Variants in DIS3L2 observed in about 807,000 individuals in gnomAD.
DIS3L2 encodes the protein DIS3-like exonuclease 2.
A neutral mutation model predicts 97.5 loss-of-function variants in DIS3L2; 34 were observed. The ratio of observed to expected loss-of-function variants is 0.35; its 90% CI spans 0.27 to 0.46. DIS3L2 has a LOEUF of 0.46. DIS3L2 is among the 20% of genes least tolerant of loss of function. The pLI is 1.00. For missense variants in DIS3L2, 1,038 were observed against 1,146.0 expected, an observed-to-expected ratio of 0.91 and a Z score of 1.36; for synonymous variants, 435 against 445.2, an observed-to-expected ratio of 0.98 and a Z score of 0.29.
intron 5 of DIS3L2, among the ~76,000 whole-genome samples, chr2:232,031,807 C>T (rs1330824987): frequency 1.3e-5 from 2 of 152,108 alleles, no homozygotes; most frequent in East Asian, 3.9e-4. Context: ...CAGCTTCATC[C>T]ATGTCCCTGC....
intron 6 of DIS3L2, among the ~76,000 whole-genome samples, chr2:232,101,891 A>G (rs754519776): frequency 1.3e-5 from 2 of 152,256 alleles, no homozygotes; most frequent in African/African-American, 2.4e-5. Context: ...TCATTGCTGG[A>G]TACTAAAACT....
At chr2:232,031,085 G>A (rs977573911) in intron 5 of DIS3L2, among the ~76,000 whole-genome samples, 16 of 152,084 alleles carry the variant, frequency 1.1e-4, no homozygotes, top group Non-Finnish European at 1.8e-4. Flanking sequence ...TGTCTCATCT[G>A]TAAAATGGGA....
chr2:232,064,533 A>C (rs951169949), intron 5 of DIS3L2, among the ~76,000 whole-genome samples: 1 of 152,134 alleles, frequency 6.6e-6, no homozygotes, highest in African/African-American at 2.4e-5. Flanking sequence ...ATATGCTTTT[A>C]TTTCTCTTGG....
At position 232,015,544 on chromosome 2, in the gene DIS3L2, T is replaced by C. The variant is rs755318575; in HGVS notation, c.83T>C (p.Ile28Thr). The change falls in exon 3 of 21, where the codon ATT becomes ACT. Residue 28 changes from isoleucine (I) to threonine (T), a missense_variant. By Grantham distance (89) the Ile-to-Thr change is moderately conservative. Coordinates refer to ENST00000325385, the MANE Select transcript of DIS3L2 (RefSeq NM_152383.5). ...GVSAVAGPHD[I>T]GASPGDKKSK... ...TCTGCTGTGGCTGGTCCACATGACA[T>C]TGGTGCTTCGCCAGGTGACAAAAAG... 6 of 1,614,044 alleles carry C rather than the reference T, an allele frequency of 3.7e-6. No homozygotes were observed. Among genetic ancestry groups the C allele is most frequent in the Non-Finnish European group, 4.2e-6 (5 of 1,179,938 alleles).
intron 1 of DIS3L2, among the ~76,000 whole-genome samples, chr2:232,001,113 T>A (rs1163654693): frequency 6.6e-6 from 1 of 152,156 alleles, no homozygotes; most frequent in African/African-American, 2.4e-5. Context: ...TGTTTTTAAT[T>A]TTTTGAGAAA....
At chr2:232,255,463 T>C (rs1232564715) in intron 12 of DIS3L2, among the ~76,000 whole-genome samples, 2 of 152,240 alleles carry the variant, frequency 1.3e-5, no homozygotes, top group Non-Finnish European at 2.9e-5. Flanking sequence ...GAAAGATTGT[T>C]CCAACGTTTT....
intron 10 of DIS3L2, among the ~76,000 whole-genome samples, chr2:232,219,416 C>T (rs1484821294): frequency 1.3e-5 from 2 of 152,158 alleles, no homozygotes; most frequent in African/African-American, 4.8e-5. Flanking sequence ...TTTTCTGGTT[C>T]TTGCCTTGCC....
intron 3 of DIS3L2, among the ~76,000 whole-genome samples, chr2:232,023,772 C>T (rs1034059246): frequency 6.6e-6 from 1 of 152,028 alleles, no homozygotes; most frequent in Non-Finnish European, 1.5e-5. Context: ...GCAGAGGGGC[C>T]AGAGTAAAAA....
At chr2:232,289,270 G>A (rs189777522) in intron 13 of DIS3L2, among the ~76,000 whole-genome samples, 178 of 147,312 alleles carry the variant, frequency 1.2e-3, no homozygotes, top group African/African-American at 4.0e-3. Context: ...TTGGAGACTT[G>A]TCCAGGCCTT....
chr2:232,248,140 A>G (rs1574970711), intron 11 of DIS3L2, among the ~76,000 whole-genome samples: 1 of 152,374 alleles, frequency 6.6e-6, no homozygotes, highest in Non-Finnish European at 1.5e-5. Flanking sequence ...AGTTGCAGAT[A>G]CTTCACGCAG....
chr2:232,226,505 T>C (rs890994585), intron 10 of DIS3L2, among the ~76,000 whole-genome samples: 2 of 152,260 alleles, frequency 1.3e-5, no homozygotes, highest in African/African-American at 4.8e-5. Context: ...TTGAGTGTAT[T>C]TATATGCCAG....
At chr2:232,137,769 T>C (rs568870534) in intron 8 of DIS3L2, among the ~76,000 whole-genome samples, 1 of 152,252 alleles carries the variant, frequency 6.6e-6, no homozygotes, top group Non-Finnish European at 1.5e-5. Context: ...GTGATTTAAA[T>C]GATCTCATAG....
intron 5 of DIS3L2, among the ~76,000 whole-genome samples, chr2:232,075,055 G>A (rs953379563): frequency 6.6e-6 from 1 of 152,188 alleles, no homozygotes; most frequent in Non-Finnish European, 1.5e-5. Flanking sequence ...CATGCAATGT[G>A]TGTCAGGGAT....
In DIS3L2 at chr2:232,088,274, C is replaced by T. The variant is rs375645617; in HGVS notation, c.601+553C>T. 3.6e-3 allele frequency among the ~76,000 whole-genome samples: 538 copies of T among 150,332 alleles called. 4 individuals are homozygous for T. Among genetic ancestry groups the T allele is most frequent in the African/African-American group, 0.012 (505 of 40,830 alleles). On this transcript the variant is annotated intron_variant, in intron 6 of 20. Coordinates refer to ENST00000325385, the MANE Select transcript of DIS3L2 (RefSeq NM_152383.5). ...AAATTAGCCAGGCGTGGGCCGGGCGCGGTGGCTCACGCCTGTAATCCCAGC... is the reference window on the plus strand; with the variant it reads ...AAATTAGCCAGGCGTGGGCCGGGCGTGGTGGCTCACGCCTGTAATCCCAGC...
chr2:232,230,531 C>T (rs1175052742), intron 10 of DIS3L2, among the ~76,000 whole-genome samples: 1 of 152,188 alleles, frequency 6.6e-6, no homozygotes, highest in East Asian at 1.9e-4. Context: ...GTGTTCCCAT[C>T]ATAGACTGGG....
At chr2:232,341,618 C>T (rs1181107522), downstream of DIS3L2, among the ~76,000 whole-genome samples, 1 of 152,198 alleles carries the variant, frequency 6.6e-6, no homozygotes. Flanking sequence ...TGTCCACATG[C>T]AGGGAATGCA....
intron 14 of DIS3L2, among the ~76,000 whole-genome samples, chr2:232,321,027 G>A (rs1053415852): frequency 3.2e-4 from 49 of 152,170 alleles, no homozygotes; most frequent in Non-Finnish European, 8.8e-5. Context: ...GCTTGGGTGC[G>A]GGGAGCAGAG....
chr2:232,117,315 A>G (rs1270477184), intron 6 of DIS3L2, among the ~76,000 whole-genome samples: 1 of 152,198 alleles, frequency 6.6e-6, no homozygotes, highest in Non-Finnish European at 1.5e-5. Flanking sequence ...TTTGCCAGTC[A>G]TTCTTACCTC....
intron 10 of DIS3L2, among the ~76,000 whole-genome samples, chr2:232,222,783 T>G (rs554644647): frequency 2.0e-5 from 3 of 152,372 alleles, no homozygotes; most frequent in South Asian, 4.1e-4. Context: ...TGAACAATTT[T>G]AACTGTCCTT....
Sources: allele counts gnomAD v4.1 joint callset (sites outside exome capture counted in the v4.1 genomes callset), GRCh38; gene constraint gnomAD v4.1.1; transcripts MANE v1.5; gene names NCBI Gene and HGNC (gene_info 2026-07-23, HGNC 2026-07-21).